Variants in ZBTB38 observed in about 807,000 individuals in gnomAD.
ZBTB38 encodes the protein zinc finger and BTB domain-containing protein 38.
In ZBTB38, 20 loss-of-function variants were observed where a neutral mutation model predicts 76.8. That is an observed-to-expected ratio of 0.26 (90% CI 0.18 to 0.38). The LOEUF is 0.38. Ranked by LOEUF, ZBTB38 falls within the 10% of genes least tolerant of loss-of-function variation. The pLI is 1.00. For synonymous variants in ZBTB38, 504 were observed against 544.2 expected (o/e 0.93, Z 1.03); for missense variants, 1,082 against 1,482.3 (o/e 0.73, Z 4.43).
At chr3:141,340,966 GA>G (rs769713354) in intron 1 of ZBTB38, among the ~76,000 whole-genome samples, 1 of 83,870 alleles carries the variant, frequency 1.2e-5, no homozygotes, top group Non-Finnish European at 2.4e-5. Flanking sequence ...AAGAAAGAAA[GA>G]AAGAAAGAAA....
chr3:141,414,153 A>T (rs2073362578), intron 5 of ZBTB38, among the ~76,000 whole-genome samples: 1 of 152,238 alleles, frequency 6.6e-6, no homozygotes, highest in Non-Finnish European at 1.5e-5. Context: ...CAGGAACAGG[A>T]AAGTAATATG....
intron 5 of ZBTB38, among the ~76,000 whole-genome samples, chr3:141,409,145 A>T (rs971515533): frequency 2.6e-5 from 4 of 152,110 alleles, no homozygotes; most frequent in Admixed American, 6.5e-5. Context: ...TCCCGGGTTC[A>T]AGTGATTTTC....
intron 1 of ZBTB38, among the ~76,000 whole-genome samples, chr3:141,338,057 C>T (rs1281237604): frequency 6.6e-6 from 1 of 152,122 alleles, no homozygotes; most frequent in African/African-American, 2.4e-5. Flanking sequence ...TCAACATCAC[C>T]AATCATTAGA....
At chr3:141,334,673 C>T (rs555894587) in intron 1 of ZBTB38, among the ~76,000 whole-genome samples, 89 of 152,206 alleles carry the variant, frequency 5.8e-4, no homozygotes, top group African/African-American at 2.1e-3. Context: ...CTGTGGTCTG[C>T]AGTGCCTCTC....
intron 5 of ZBTB38, among the ~76,000 whole-genome samples, chr3:141,407,220 C>T (rs193036936): frequency 1.1e-4 from 16 of 152,254 alleles, no homozygotes; most frequent in African/African-American, 3.4e-4. Context: ...ATGACATGTG[C>T]GTGTCTGCGC....
chr3:141,358,952 G>A (rs191933645), intron 1 of ZBTB38, among the ~76,000 whole-genome samples: 2 of 152,338 alleles, frequency 1.3e-5, no homozygotes, highest in Non-Finnish European at 2.9e-5. Flanking sequence ...GTGGATTGGG[G>A]CTGGGCGACC....
rs1221184100 is a variant in ZBTB38, at chr3:141,444,388, A to T, written c.2000A>T (p.Asn667Ile). 3.7e-6 allele frequency: 6 copies of T among 1,613,956 alleles called. No individual in the cohort carries two copies. The highest frequency in any genetic ancestry group is 4.2e-6 in the Non-Finnish European group (5 of 1,180,032). ...EEALKMDLDN[N>I]FYSTEVSVSS... ...GCATTGAAAATGGATCTTGACAATA[A>T]CTTTTATTCAACTGAGGTGTCAGTT... Residue 667 changes from asparagine to isoleucine, a missense_variant, in exon 6 of 6, where the codon AAC becomes ATC. Coordinates refer to ENST00000321464, the MANE Select transcript of ZBTB38 (RefSeq NM_001376113.1). The surrounding 1 kb of genome is among the most constrained non-coding windows in gnomAD (Gnocchi z 5.1).
chr3:141,378,640 C>T (rs1945748685), intron 2 of ZBTB38, among the ~76,000 whole-genome samples: 1 of 152,246 alleles, frequency 6.6e-6, no homozygotes, highest in Non-Finnish European at 1.5e-5. Flanking sequence ...TATCCCCTGG[C>T]TTCCCCTTTA....
Position 141,444,702 on chromosome 3 carries a change from A to G in ZBTB38, c.2314A>G (p.Lys772Glu), listed in dbSNP as rs1237941230. ...DKVGRFASRPKSIKEKKKTTS... is the reference protein window; with the variant it reads ...DKVGRFASRPESIKEKKKTTS... ...AGTGGGTAGGTTTGCAAGCAGACCCAAAAGCATTAAGGAGAAAAAGAAAAC... is the reference window on the plus strand; with the variant it reads ...AGTGGGTAGGTTTGCAAGCAGACCCGAAAGCATTAAGGAGAAAAAGAAAAC... The change falls in exon 6 of 6, where the codon AAA becomes GAA. Residue 772 changes from lysine to glutamate, a missense_variant. Transcript: ENST00000321464. This position sits in a 1 kb window ranked among gnomAD's most constrained non-coding sequence, Gnocchi z 5.1. 1.2e-6 allele frequency: 2 copies of G among 1,614,152 alleles called. No homozygotes were observed. Among genetic ancestry groups the G allele is most frequent in the Admixed American group, 3.3e-5 (2 of 60,012 alleles).
intron 1 of ZBTB38, among the ~76,000 whole-genome samples, chr3:141,340,384 C>T (rs1397506091): frequency 6.6e-6 from 1 of 152,040 alleles, no homozygotes; most frequent in Non-Finnish European, 1.5e-5. Context: ...CAATTGAATT[C>T]AATAACTAAT....
intron 2 of ZBTB38, among the ~76,000 whole-genome samples, chr3:141,376,594 G>A (rs1218669778): frequency 2.6e-5 from 4 of 152,152 alleles, no homozygotes; most frequent in South Asian, 2.1e-4. Context: ...TGCCTGGGCC[G>A]GTTCAAGTCT....
chr3:141,356,209 C>T (rs1943658204), intron 1 of ZBTB38, among the ~76,000 whole-genome samples: 1 of 152,032 alleles, frequency 6.6e-6, no homozygotes, highest in Non-Finnish European at 1.5e-5. Flanking sequence ...TGCTGCTGTG[C>T]CCTGGGACCA....
intron 5 of ZBTB38, among the ~76,000 whole-genome samples, chr3:141,437,004 T>A (rs537205528): frequency 2.6e-5 from 4 of 152,194 alleles, no homozygotes; most frequent in Non-Finnish European, 5.9e-5. Context: ...GCCGTAGCAC[T>A]TTCTGAGATC....
intron 4 of ZBTB38, among the ~76,000 whole-genome samples, chr3:141,400,587 G>A (rs1008485642): frequency 6.6e-6 from 1 of 152,200 alleles, no homozygotes; most frequent in Admixed American, 6.5e-5. Flanking sequence ...AGGGTGTAAA[G>A]GTTGTTTTAC....
intron 1 of ZBTB38, among the ~76,000 whole-genome samples, chr3:141,352,158 A>C (rs1943535730): frequency 6.6e-6 from 1 of 152,152 alleles, no homozygotes; most frequent in Non-Finnish European, 1.5e-5. Flanking sequence ...AATTCAATAA[A>C]TAATTTTTTT....
intron 1 of ZBTB38, among the ~76,000 whole-genome samples, chr3:141,326,655 T>G (rs944987536): frequency 6.6e-6 from 1 of 152,246 alleles, no homozygotes; most frequent in African/African-American, 2.4e-5. Context: ...CTCTTTGAAG[T>G]GATCCAATCT....
At chr3:141,433,260 T>A (rs1274015258) in intron 5 of ZBTB38, among the ~76,000 whole-genome samples, 1 of 151,944 alleles carries the variant, frequency 6.6e-6, no homozygotes, top group Non-Finnish European at 1.5e-5. Flanking sequence ...AAATAATTTT[T>A]AAATAATTTC....
chr3:141,417,185 GC>G (rs1559946895), intron 5 of ZBTB38, among the ~76,000 whole-genome samples: 1 of 152,170 alleles, frequency 6.6e-6, no homozygotes, highest in Non-Finnish European at 1.5e-5. Context: ...TCCCCTTTTA[GC>G]CCTATTTTCT....
intron 1 of ZBTB38, among the ~76,000 whole-genome samples, chr3:141,345,394 A>G (rs948381273): frequency 2.6e-5 from 4 of 152,102 alleles, no homozygotes; most frequent in Admixed American, 6.5e-5. Flanking sequence ...ATGTTGGACT[A>G]CATGCTGGGA....
Sources: allele counts gnomAD v4.1 joint callset (sites outside exome capture counted in the v4.1 genomes callset), GRCh38; gene constraint gnomAD v4.1.1; non-coding constraint Gnocchi (gnomAD v3.1); transcripts MANE v1.5; gene names NCBI Gene and HGNC (gene_info 2026-07-23, HGNC 2026-07-21).